Variants in XIRP2 observed in about 807,000 individuals in gnomAD.
XIRP2 encodes the protein xin actin binding repeat containing 2, also known as xin actin-binding repeat-containing protein 2.
Under a neutral mutation model 277.0 loss-of-function variants are expected in XIRP2, and 236 were observed. The observed-to-expected ratio is 0.85, with a 90% confidence interval of 0.77 to 0.95. The LOEUF is 0.95. Among genes scored for constraint, XIRP2 ranks in the 40% least tolerant of loss-of-function variants. The pLI is 0.00. For synonymous variants in XIRP2, 1,490 were observed against 1,416.5 expected (o/e 1.05, Z -1.17); for missense variants, 4,640 against 4,157.5 (o/e 1.12, Z -3.19).
intron 2 of XIRP2, among the ~76,000 whole-genome samples, chr2:167,031,245 C>G (rs950944629): frequency 2.6e-5 from 4 of 151,970 alleles, no homozygotes; most frequent in Non-Finnish European, 5.9e-5. Flanking sequence ...ATGATGCTAG[C>G]TGGTTATTTT....
At chr2:166,999,903 G>A (rs926718171) in intron 2 of XIRP2, among the ~76,000 whole-genome samples, 3 of 151,984 alleles carry the variant, frequency 2.0e-5, no homozygotes, top group Non-Finnish European at 2.9e-5. Context: ...CTTGTAGCTA[G>A]AAGAAAATTA....
In XIRP2 at chr2:167,251,856, AAG is replaced by A; in HGVS notation, c.10467_10468del (p.Arg3489SerfsTer3). On this transcript the variant is annotated frameshift_variant, in exon 9 of 11. Coordinates refer to ENST00000409195, the MANE Select transcript of XIRP2 (RefSeq NM_152381.6). LOFTEE classifies it high-confidence loss of function. ...NFQKTWQESG[R>X]VFKGLGYATA... ...TTCAAAAGACGTGGCAAGAGAGTGG[AAG>A]AGTTTTTAAAGGCCTGGGATATGCA... 6.2e-7 allele frequency: 1 copy of A among 1,612,490 alleles called. No individual in the cohort carries two copies. The highest frequency in any genetic ancestry group is 8.5e-7 in the Non-Finnish European group (1 of 1,179,248).
intron 2 of XIRP2, among the ~76,000 whole-genome samples, chr2:167,107,171 T>A (rs1417208030): frequency 6.6e-6 from 1 of 151,766 alleles, no homozygotes. Context: ...TTTTCAATAT[T>A]TATGTTTTTG....
intron 2 of XIRP2, among the ~76,000 whole-genome samples, chr2:166,940,447 T>A (rs6432960): frequency 6.6e-6 from 1 of 152,020 alleles, no homozygotes; most frequent in Admixed American, 6.6e-5. Flanking sequence ...CTCTCAACTC[T>A]TCAAAGTCAT....
At chr2:167,196,492 CACTT>C (rs1693520093) in intron 3 of XIRP2, among the ~76,000 whole-genome samples, 1 of 150,308 alleles carries the variant, frequency 6.7e-6, no homozygotes, top group East Asian at 2.0e-4. Flanking sequence ...TGTGTCTAGT[CACTT>C]ACCAAATCTA....
In XIRP2 at chr2:167,006,991, C is replaced by T. The variant is rs1687519561; in HGVS notation, c.408+103101C>T. 2.6e-5 allele frequency among the ~76,000 whole-genome samples: 4 copies of T among 151,658 alleles called. No homozygotes were observed. The East Asian group carries it at 7.8e-4, about 30-fold the overall frequency. ...ACTTCAATGGATTGCAGAATTAAAA[C>T]CCTCAGATATACCATACTAAAGGAA... is the stretch of plus-strand genomic sequence containing the variant. On this transcript the variant is annotated intron_variant, in intron 2 of 10. Coordinates refer to ENST00000409195, the MANE Select transcript of XIRP2 (RefSeq NM_152381.6).
chr2:166,901,516 A>T (rs767628224), intron 1 of XIRP2, among the ~76,000 whole-genome samples: 2 of 151,994 alleles, frequency 1.3e-5, no homozygotes, highest in African/African-American at 2.4e-5. Flanking sequence ...TTCCTCCTCA[A>T]CTTGCCAGTT....
chr2:166,940,274 C>T (rs1685667154), intron 2 of XIRP2, among the ~76,000 whole-genome samples: 2 of 152,344 alleles, frequency 1.3e-5, no homozygotes, highest in East Asian at 3.9e-4. Context: ...ACGTAGTTCT[C>T]ATGCCATGGT....
rs1258528009 is a variant in XIRP2 at position 167,015,450 on chromosome 2, CTATCTATCTATCA to C, written c.408+111564_408+111576del. 2.0e-5 allele frequency among the ~76,000 whole-genome samples: 3 copies of C among 151,276 alleles called. No individual in the cohort carries two copies. In the East Asian group the frequency reaches 6.1e-4, roughly 31 times the overall value. On this transcript the variant is annotated intron_variant, in intron 2 of 10. Transcript: ENST00000409195. Reference sequence around the variant, plus strand: ...TCTATCTATCTATCTATCTATCTATCTATCTATCTATCATATTAAACTCATTATCATTCTATGG... The same window carrying C: ...TCTATCTATCTATCTATCTATCTATCTATTAAACTCATTATCATTCTATGG...
intron 2 of XIRP2, among the ~76,000 whole-genome samples, chr2:167,013,862 G>C (rs1037613421): frequency 6.7e-6 from 1 of 150,362 alleles, no homozygotes; most frequent in African/African-American, 2.4e-5. Context: ...GAATGCATTG[G>C]GTAATTAGAT....
chr2:167,069,978 C>G (rs1689399873), intron 2 of XIRP2, among the ~76,000 whole-genome samples: 1 of 152,010 alleles, frequency 6.6e-6, no homozygotes, highest in Non-Finnish European at 1.5e-5. Context: ...AAAAATCATA[C>G]ACTTAACCTT....
At chr2:167,143,206 A>G (rs1360389101) in intron 3 of XIRP2, among the ~76,000 whole-genome samples, 1 of 152,102 alleles carries the variant, frequency 6.6e-6, no homozygotes, top group East Asian at 1.9e-4. Context: ...GTATGTGAAG[A>G]CACAGCCCCT....
At chr2:167,161,168 C>G (rs939590597) in intron 3 of XIRP2, among the ~76,000 whole-genome samples, 1 of 152,212 alleles carries the variant, frequency 6.6e-6, no homozygotes, top group Non-Finnish European at 1.5e-5. Flanking sequence ...CAGCCTCCCT[C>G]CAAGCTGCTT....
chr2:167,064,206 C>T (rs931183760), intron 2 of XIRP2, among the ~76,000 whole-genome samples: 1 of 151,758 alleles, frequency 6.6e-6, no homozygotes, highest in Non-Finnish European at 1.5e-5. Flanking sequence ...ACATACCCAT[C>T]ACCTCATACT....
At chr2:167,236,717 TAAC>T (rs1473406046) in intron 5 of XIRP2, among the ~76,000 whole-genome samples, 1 of 152,092 alleles carries the variant, frequency 6.6e-6, no homozygotes, top group Non-Finnish European at 1.5e-5. Flanking sequence ...GTGAACAAAA[TAAC>T]ATTTGTCTCT....
At chr2:166,916,046 T>A (rs1684867884) in intron 2 of XIRP2, among the ~76,000 whole-genome samples, 1 of 152,168 alleles carries the variant, frequency 6.6e-6, no homozygotes, top group Non-Finnish European at 1.5e-5. Context: ...TGTGCATCAA[T>A]GATTAAATAG....
chr2:167,013,175 C>G (rs1266117995), intron 2 of XIRP2, among the ~76,000 whole-genome samples: 2 of 151,282 alleles, frequency 1.3e-5, no homozygotes, highest in Non-Finnish European at 3.0e-5. Flanking sequence ...TTATTTTAAT[C>G]AGTTTATCAA....
Position 167,180,979 on chromosome 2 carries a change from T to C in XIRP2, c.563-29756T>C, listed in dbSNP as rs10497319. Reference sequence around the variant, plus strand: ...GAATTATGACTTCTATCCTATACCTTACAATCCTAACTTGTGTTTTCAGAT... The same window carrying C: ...GAATTATGACTTCTATCCTATACCTCACAATCCTAACTTGTGTTTTCAGAT... On this transcript the variant is annotated intron_variant, in intron 3 of 10. Coordinates refer to ENST00000409195, the MANE Select transcript of XIRP2 (RefSeq NM_152381.6). Among the ~76,000 whole-genome samples, 1,243 of 152,354 alleles carry C rather than the reference T, an allele frequency of 8.2e-3. 44 individuals are homozygous for C. In the East Asian group the frequency reaches 0.094, roughly 11 times the overall value.
In XIRP2 at chr2:167,069,339, G is replaced by A. The variant is rs187640960; in HGVS notation, c.409-66570G>A. 4.6e-5 allele frequency among the ~76,000 whole-genome samples: 7 copies of A among 152,256 alleles called. No homozygotes were observed. The East Asian group carries it at 1.4e-3, about 29-fold the overall frequency. On this transcript the variant is annotated intron_variant, in intron 2 of 10. Coordinates refer to ENST00000409195, the MANE Select transcript of XIRP2 (RefSeq NM_152381.6). Reference sequence around the variant, plus strand: ...TGTGTACTGAGGGCCATGTGCAGTGGTGGTTGGACACCTTAATATAAGCAG... The same window carrying A: ...TGTGTACTGAGGGCCATGTGCAGTGATGGTTGGACACCTTAATATAAGCAG...
Sources: gnomAD v4.1 joint callset for allele counts (sites outside exome capture counted in the v4.1 genomes callset) on GRCh38, gnomAD v4.1.1 for gene constraint, MANE v1.5 for transcripts, NCBI Gene and HGNC (gene_info 2026-07-23, HGNC 2026-07-21) for gene names.